The following AP2B1 variants were observed in gnomAD, a reference collection of about 807,000 sequenced individuals.
AP2B1 encodes the protein adaptor related protein complex 2 subunit beta 1, also known as AP-2 complex subunit beta.
AP2B1 carries 23 observed loss-of-function variants against 102.0 expected under a neutral mutation model. The ratio of observed to expected loss-of-function variants is 0.23; its 90% CI spans 0.16 to 0.32. AP2B1 has a LOEUF of 0.32. Ranked by LOEUF, AP2B1 falls within the 10% of genes least tolerant of loss-of-function variation. The pLI is 1.00. For synonymous variants in AP2B1, 381 were observed against 421.2 expected (o/e 0.90, Z 1.17); for missense variants, 541 against 1,157.4 (o/e 0.47, Z 7.73).
intron 18 of AP2B1, among the ~76,000 whole-genome samples, chr17:35,700,896 T>C (rs1021876653): frequency 6.6e-6 from 1 of 152,036 alleles, no homozygotes; most frequent in African/African-American, 2.4e-5. Context: ...CCTTATAATT[T>C]CTGTTTGCTT....
chr17:35,679,548 T>C (rs139684855), intron 17 of AP2B1, among the ~76,000 whole-genome samples: 209 of 151,642 alleles, frequency 1.4e-3, no homozygotes, highest in African/African-American at 5.0e-3. Context: ...GCCTACTGTA[T>C]CACCAGAGCA....
At chr17:35,683,656 T>G (rs1291668935) in intron 18 of AP2B1, among the ~76,000 whole-genome samples, 1 of 152,216 alleles carries the variant, frequency 6.6e-6, no homozygotes, top group African/African-American at 2.4e-5. Flanking sequence ...AAGTTTCCTT[T>G]GAAATATAAA....
intron 14 of AP2B1, among the ~76,000 whole-genome samples, chr17:35,666,135 G>A (rs933906443): frequency 6.6e-6 from 1 of 152,076 alleles, no homozygotes; most frequent in African/African-American, 2.4e-5. Context: ...CTGTATGCGG[G>A]CTCAGCTCTG....
intron 20 of AP2B1, among the ~76,000 whole-genome samples, chr17:35,716,018 G>A (rs1555589709): frequency 6.6e-6 from 1 of 152,144 alleles, no homozygotes; most frequent in South Asian, 2.1e-4. Context: ...ACCTATCAGA[G>A]CAGATATTGA....
chr17:35,722,835 A>C (rs1275397845), intron 21 of AP2B1, among the ~76,000 whole-genome samples: 4 of 152,162 alleles, frequency 2.6e-5, no homozygotes, highest in African/African-American at 7.2e-5. Context: ...AATCTAATAC[A>C]ATTAAGATTC....
At chr17:35,646,287 T>G (rs2074930948) in intron 12 of AP2B1, among the ~76,000 whole-genome samples, 1 of 152,188 alleles carries the variant, frequency 6.6e-6, no homozygotes, top group African/African-American at 2.4e-5. Context: ...TATCTCGGTC[T>G]TGACGGTCTG....
At chr17:35,598,086 G>A (rs1003660312) in intron 2 of AP2B1, 144 bp from the exon 3 acceptor site, 17 of 391,696 alleles carry the variant, frequency 4.3e-5, no homozygotes, top group African/African-American at 3.4e-4. Context: ...ATATTCTAGG[G>A]CTTTGAATTT....
chr17:35,608,376 T>C lies in AP2B1; in HGVS notation c.514T>C (p.Ser172Pro). ...TTCTCTACGGGATCTCATAGCAGAT[T>C]CAAATCCAATGGTAATAAGCTTCTG... ...LDSLRDLIAD[S>P]NPMVVANAVA... is the part of the protein sequence containing the mutation. The change falls in exon 5 of 22, where the codon TCA becomes CCA. Residue 172 changes from serine (S) to proline (P), a missense_variant. Transcript: ENST00000610402. 1 of 1,614,190 alleles carries C rather than the reference T, an allele frequency of 6.2e-7. No homozygotes were observed.
intron 18 of AP2B1, among the ~76,000 whole-genome samples, chr17:35,705,386 C>T (rs1393864013): frequency 6.6e-6 from 1 of 152,234 alleles, no homozygotes; most frequent in African/African-American, 2.4e-5. Context: ...TAAAAAGTCT[C>T]TTCTAATCTC....
At chr17:35,670,707 A>G (rs1411737756) in intron 14 of AP2B1, 150 bp from the exon 15 acceptor site, 1 of 751,996 alleles carries the variant, frequency 1.3e-6, no homozygotes, top group Non-Finnish European at 2.3e-6. Flanking sequence ...TTTCTTTGTA[A>G]TCTAGAATTT....
intron 9 of AP2B1, among the ~76,000 whole-genome samples, chr17:35,628,883 T>G (rs1212726926): frequency 6.6e-6 from 1 of 152,198 alleles, no homozygotes; most frequent in African/African-American, 2.4e-5. Context: ...GTGTAAATAT[T>G]TAGGGCCAAT....
intron 18 of AP2B1, among the ~76,000 whole-genome samples, chr17:35,687,698 G>A (rs1436065353): frequency 1.3e-5 from 2 of 151,944 alleles, no homozygotes; most frequent in East Asian, 1.9e-4. Flanking sequence ...CTACAGGTGT[G>A]TGTCACCACG....
chr17:35,621,544 T>C (rs1337871099), intron 5 of AP2B1, among the ~76,000 whole-genome samples: 1 of 152,234 alleles, frequency 6.6e-6, no homozygotes, highest in Non-Finnish European at 1.5e-5. Context: ...TGATCTCTCT[T>C]ATTTGTGCAG....
chr17:35,649,320 G>A (rs920960803), intron 12 of AP2B1, among the ~76,000 whole-genome samples: 6 of 152,028 alleles, frequency 3.9e-5, no homozygotes, highest in African/African-American at 1.5e-4. Context: ...CCAGGCGAGA[G>A]TGCAGTGAAA....
intron 9 of AP2B1, among the ~76,000 whole-genome samples, chr17:35,635,997 A>ATTT (rs5820123): frequency 2.7e-5 from 4 of 148,102 alleles, no homozygotes; most frequent in African/African-American, 7.5e-5. Context: ...CCTTGGTAGT[A>ATTT]TTTTTTTTTT....
intron 13 of AP2B1, among the ~76,000 whole-genome samples, chr17:35,654,808 G>A (rs1446016961): frequency 6.6e-6 from 1 of 151,682 alleles, no homozygotes; most frequent in East Asian, 1.9e-4. Context: ...TTTCTTGGTG[G>A]GAATTTTACT....
intron 20 of AP2B1, among the ~76,000 whole-genome samples, chr17:35,713,034 A>T (rs1301562817): frequency 1.3e-5 from 2 of 152,236 alleles, no homozygotes; most frequent in Admixed American, 1.3e-4. Context: ...CTGTCAAAAT[A>T]ACAGAGAAGA....
At chr17:35,663,945 T>C (rs1348691419) in intron 14 of AP2B1, among the ~76,000 whole-genome samples, 1 of 152,174 alleles carries the variant, frequency 6.6e-6, no homozygotes, top group Non-Finnish European at 1.5e-5. Flanking sequence ...CTTATCCTTA[T>C]TTATTTATTT....
chr17:35,636,488 A>C, intron 10 of AP2B1, 32 bp downstream of exon 10: 5 of 1,537,284 alleles, frequency 3.3e-6, no homozygotes, highest in African/African-American at 1.4e-5. Context: ...CCTCTTTCTC[A>C]AATTACTTAG....
Sources: gnomAD v4.1 joint callset for allele counts (sites outside exome capture counted in the v4.1 genomes callset) on GRCh38, gnomAD v4.1.1 for gene constraint, MANE v1.5 for transcripts, NCBI Gene and HGNC (gene_info 2026-07-23, HGNC 2026-07-21) for gene names.